The following ANKDD1A variants were observed in gnomAD, a reference collection of about 807,000 sequenced individuals.
ANKDD1A encodes the protein ankyrin repeat and death domain-containing protein 1A.
Under a neutral mutation model 63.5 loss-of-function variants are expected in ANKDD1A, and 59 were observed. That is an observed-to-expected ratio of 0.93 (90% CI 0.75 to 1.15). The LOEUF is 1.15. ANKDD1A is among the 50% of genes most tolerant of loss of function. The pLI is 0.00. For missense variants in ANKDD1A, 632 were observed against 656.4 expected, an observed-to-expected ratio of 0.96 and a Z score of 0.41; for synonymous variants, 266 against 263.9, an observed-to-expected ratio of 1.01 and a Z score of -0.08.
chr15:64,947,538 A>G lies in ANKDD1A; in HGVS notation c.1296A>G (p.Ala432=), dbSNP rs778830163. The change falls in exon 13 of 15, where the codon GCA becomes GCG. Residue 432 remains alanine, a synonymous_variant. Transcript: ENST00000319580. ...AGCCCCGTGAGTGGAAGAAGCTGGC[A>G]TATTCCTGGGAGTTCACGGAGGCAC... ...YLQPREWKKL[A]YSWEFTEAHV... 1 of 1,614,160 alleles carries G rather than the reference A, an allele frequency of 6.2e-7. No individual in the cohort carries two copies. The highest frequency in any genetic ancestry group is 2.2e-5 in the East Asian group (1 of 44,892).
chr15:64,931,642 T>G, intron 8 of ANKDD1A, 57 bp downstream of exon 8: 1 of 1,575,260 alleles, frequency 6.3e-7, no homozygotes. Flanking sequence ...CATAGCCATG[T>G]CGGCAGTAAC....
intron 2 of ANKDD1A, among the ~76,000 whole-genome samples, 199 bp from the exon 3 acceptor site, chr15:64,917,187 A>G (rs1432671717): frequency 6.6e-6 from 1 of 152,100 alleles, no homozygotes; most frequent in African/African-American, 2.4e-5. Flanking sequence ...GGGTCCAGTC[A>G]TTTTACTATG....
At chr15:64,944,414 C>T (rs2085207855) in intron 11 of ANKDD1A, among the ~76,000 whole-genome samples, 1 of 152,190 alleles carries the variant, frequency 6.6e-6, no homozygotes, top group Non-Finnish European at 1.5e-5. Flanking sequence ...CTAGAGCTTC[C>T]TAATTTCTAA....
chr15:64,947,646 C>A, intron 13 of ANKDD1A, 53 bp downstream of exon 13: 2 of 1,577,118 alleles, frequency 1.3e-6, no homozygotes, highest in Non-Finnish European at 1.7e-6. Flanking sequence ...AGGGGTGGGA[C>A]ACCTGAAATG....
chr15:64,951,021 G>A (rs745481278), intron 14 of ANKDD1A: 63 of 1,270,886 alleles, frequency 5.0e-5, no homozygotes, highest in Non-Finnish European at 6.1e-5. Context: ...TGTAACCGGA[G>A]GGGCCAGACC....
chr15:64,956,349 A>C (rs2085416649), intron 14 of ANKDD1A, among the ~76,000 whole-genome samples: 2 of 151,458 alleles, frequency 1.3e-5, no homozygotes, highest in Non-Finnish European at 2.9e-5. Context: ...GGAGATCGAG[A>C]CCATCCTGGC....
intron 8 of ANKDD1A, among the ~76,000 whole-genome samples, chr15:64,933,840 C>T (rs146468011): frequency 1.2e-3 from 187 of 149,618 alleles, no homozygotes; most frequent in South Asian, 0.01. Flanking sequence ...GACTCTGTCT[C>T]GGGAAAAAAA....
intron 14 of ANKDD1A, chr15:64,951,405 T>A: frequency 6.1e-6 from 1 of 164,044 alleles, no homozygotes; most frequent in Non-Finnish European, 7.0e-6. Context: ...CTCTTTTTTC[T>A]TTTTTCTTTT....
chr15:64,941,040 G>A (rs948714862), intron 9 of ANKDD1A, among the ~76,000 whole-genome samples: 3 of 152,122 alleles, frequency 2.0e-5, no homozygotes, highest in East Asian at 1.9e-4. Context: ...ACCACACCTG[G>A]CCTTGCCATT....
In ANKDD1A at chr15:64,949,874, T is replaced by C; in HGVS notation, c.1385T>C (p.Met462Thr). The C allele has an allele frequency of 6.2e-7, 1 of 1,604,722 alleles. No individual in the cohort carries two copies. Among genetic ancestry groups the C allele is most frequent in the South Asian group, 1.1e-5 (1 of 91,090 alleles). Residue 462 changes from methionine to threonine, a missense_variant, in exon 14 of 15, where the codon ATG becomes ACG. Coordinates refer to ENST00000319580, the MANE Select transcript of ANKDD1A (RefSeq NM_182703.6). ...TRSYQEHGHR[M>T]LLIWLHGVAT... ...AGCTATCAGGAGCACGGCCACCGAA[T>C]GCTGCTCATTTGGCTGCATGGCGTG...
At chr15:64,951,812 TTTCTTCCTCTTCTTCATCC>T (rs2085288030) in intron 14 of ANKDD1A, among the ~76,000 whole-genome samples, 1 of 147,446 alleles carries the variant, frequency 6.8e-6, no homozygotes, top group African/African-American at 2.5e-5. Context: ...TCTTTTCTTC[TTTCTTCCTCTTCTTCATCC>T]TTCTTATTCT....
intron 2 of ANKDD1A, among the ~76,000 whole-genome samples, chr15:64,916,597 G>A (rs1299390843): frequency 6.6e-6 from 1 of 152,220 alleles, no homozygotes; most frequent in African/African-American, 2.4e-5. Context: ...GAAGTGCTGG[G>A]ATTACAGGCA....
At chr15:64,938,296 G>A (rs2085151814) in intron 9 of ANKDD1A, among the ~76,000 whole-genome samples, 1 of 152,176 alleles carries the variant, frequency 6.6e-6, no homozygotes, top group African/African-American at 2.4e-5. Context: ...GAGGAAAAGA[G>A]TAACCTTACT....
chr15:64,921,846 A>G, intron 3 of ANKDD1A, 75 bp from the exon 4 acceptor site: 1 of 1,316,732 alleles, frequency 7.6e-7, no homozygotes, highest in South Asian at 1.2e-5. Flanking sequence ...TGGTTTAGTC[A>G]TAAGGCACAG....
Position 64,935,222 on chromosome 15 carries a change from TC to T in ANKDD1A, c.867+989del, listed in dbSNP as rs1426100737. ...CAGCCTGGGCAAGAGTGAGACTCTG[TC>T]TCAAAAAAAAAAAAAAAAAAAATTG... On this transcript the variant is annotated intron_variant, in intron 9 of 14. Coordinates refer to ENST00000319580, the MANE Select transcript of ANKDD1A (RefSeq NM_182703.6). 1.0e-3 allele frequency among the ~76,000 whole-genome samples: 67 copies of T among 66,886 alleles called. No homozygotes were observed. The Admixed American group carries it at 0.013, about 13-fold the overall frequency. The allele number at this position is 66,886 out of a possible 152,430, so 43.9% of individuals were successfully genotyped here.
At chr15:64,940,534 G>A (rs1188661846) in intron 9 of ANKDD1A, among the ~76,000 whole-genome samples, 1 of 152,006 alleles carries the variant, frequency 6.6e-6, no homozygotes, top group African/African-American at 2.4e-5. Flanking sequence ...CCAGGTTCAC[G>A]CCATTCTCCT....
intron 11 of ANKDD1A, 108 bp downstream of exon 11, chr15:64,943,690 C>G: frequency 1.9e-6 from 2 of 1,059,508 alleles, no homozygotes; most frequent in Non-Finnish European, 1.4e-6. Flanking sequence ...TGTTCAAGGA[C>G]TGTCATCCTT....
Position 64,957,511 on chromosome 15 carries a change from G to C in ANKDD1A, c.*323G>C, listed in dbSNP as rs576490967. 6.4e-6 allele frequency: 1 copy of C among 156,420 alleles called. No homozygotes were observed. Among genetic ancestry groups the C allele is most frequent in the Non-Finnish European group, 1.4e-5 (1 of 70,586 alleles). 9.7% of individuals were successfully genotyped at this position (156,420 alleles called of 1,614,324 possible). A position where few individuals can be genotyped will look rare whatever the true frequency, so the allele number is the denominator to read the frequency against. ...TTTCATGGATGCACAAATGTTTATT[G>C]AGAGTCTCATATTCATGCTTTTCTT... On this transcript the variant is annotated 3_prime_UTR_variant, in exon 15 of 15. Transcript: ENST00000319580.
intron 1 of ANKDD1A, among the ~76,000 whole-genome samples, chr15:64,915,071 G>T (rs1413622081): frequency 2.0e-5 from 3 of 152,208 alleles, no homozygotes; most frequent in Non-Finnish European, 4.4e-5. Flanking sequence ...TTGGGAGGCC[G>T]AGGCAGGCAG....
Sources: allele counts gnomAD v4.1 joint callset (sites outside exome capture counted in the v4.1 genomes callset), GRCh38; gene constraint gnomAD v4.1.1; transcripts MANE v1.5; gene names NCBI Gene and HGNC (gene_info 2026-07-23, HGNC 2026-07-21).